The following GARIN1A variants were observed in gnomAD, a reference collection of about 807,000 sequenced individuals.
GARIN1A encodes the protein golgi associated RAB2 interactor 1A.
chr7:128,680,164 G>T, the GARIN1A span: 1 of 1,473,354 alleles, frequency 6.8e-7, no homozygotes, highest in Non-Finnish European at 9.2e-7. Flanking sequence ...GTCCTCTGTG[G>T]GGTCAGCTCC....
At chr7:128,680,625 C>T in the GARIN1A span, among the ~76,000 whole-genome samples, 5 of 148,588 alleles carry the variant, frequency 3.4e-5, no homozygotes, top group African/African-American at 1.2e-4. Context: ...AGTGCAATGG[C>T]GTGATGTCAG....
the GARIN1A span, among the ~76,000 whole-genome samples, chr7:128,699,939 T>C: frequency 6.6e-6 from 1 of 152,360 alleles, no homozygotes; most frequent in Non-Finnish European, 1.5e-5. Context: ...GAACGTTTTA[T>C]CATTCCACAG....
the GARIN1A span, among the ~76,000 whole-genome samples, chr7:128,688,937 A>C: frequency 6.6e-6 from 1 of 150,516 alleles, no homozygotes; most frequent in South Asian, 2.1e-4. Context: ...AGTGCCTGCG[A>C]TTGCAGGCGC....
At chr7:128,692,069 G>T in the GARIN1A span, among the ~76,000 whole-genome samples, 1 of 152,194 alleles carries the variant, frequency 6.6e-6, no homozygotes, top group Non-Finnish European at 1.5e-5. Flanking sequence ...TCCATGCCTG[G>T]TTCTTTTAAC....
chr7:128,673,252 G>A, the GARIN1A span, among the ~76,000 whole-genome samples: 2 of 152,216 alleles, frequency 1.3e-5, no homozygotes, highest in African/African-American at 4.8e-5. Flanking sequence ...TGGCCAGGAA[G>A]CCTATGAGTT....
At chr7:128,676,521 G>A in the GARIN1A span, among the ~76,000 whole-genome samples, 1 of 151,470 alleles carries the variant, frequency 6.6e-6, no homozygotes, top group Non-Finnish European at 1.5e-5. Flanking sequence ...ATATCATTTC[G>A]ATAATTTCTT....
chr7:128,691,381 A>G, the GARIN1A span: 21 of 152,288 alleles, frequency 1.4e-4, no homozygotes, highest in African/African-American at 3.6e-4. Context: ...CAGGACAACT[A>G]TTTCCTCCCT....
the GARIN1A span, among the ~76,000 whole-genome samples, chr7:128,672,936 G>A: frequency 6.6e-6 from 1 of 152,280 alleles, no homozygotes; most frequent in South Asian, 2.1e-4. Flanking sequence ...GGATGGTTTA[G>A]AAACAGCCTT....
At chr7:128,707,300 G>A in the GARIN1A span, among the ~76,000 whole-genome samples, 1 of 150,968 alleles carries the variant, frequency 6.6e-6, no homozygotes, top group African/African-American at 2.4e-5. Flanking sequence ...TAACTATATA[G>A]TACAGCATTG....
At chr7:128,685,851 A>C in the GARIN1A span, 1 of 152,194 alleles carries the variant, frequency 6.6e-6, no homozygotes, top group Non-Finnish European at 1.5e-5. Context: ...TAAACATTGA[A>C]AGGCTTGTCA....
the GARIN1A span, among the ~76,000 whole-genome samples, chr7:128,702,142 G>A: frequency 6.6e-6 from 1 of 152,126 alleles, no homozygotes; most frequent in Non-Finnish European, 1.5e-5. Context: ...CAGCAGACCA[G>A]CTCTACAAGA....
chr7:128,677,483 G>A, the GARIN1A span: 59 of 1,382,488 alleles, frequency 4.3e-5, no homozygotes, highest in Non-Finnish European at 5.3e-5. Context: ...CTCTAGCCTC[G>A]GCGGCAGCGA....
At chr7:128,683,785 A>T in the GARIN1A span, 1 of 152,630 alleles carries the variant, frequency 6.6e-6, no homozygotes, top group East Asian at 1.9e-4. Flanking sequence ...TGGGTAATTT[A>T]TAAAGAAAAG....
the GARIN1A span, among the ~76,000 whole-genome samples, chr7:128,704,712 G>A: frequency 1.3e-5 from 2 of 152,150 alleles, no homozygotes; most frequent in African/African-American, 4.8e-5. Context: ...ACAGGAGGCC[G>A]AACTTGGGTG....
chr7:128,672,305 G>A, the GARIN1A span: 5 of 1,072,080 alleles, frequency 4.7e-6, no homozygotes, highest in Non-Finnish European at 5.3e-6. Flanking sequence ...AAATGCTGGG[G>A]AGGTGGGGGC....
chr7:128,703,824 T>C, the GARIN1A span, among the ~76,000 whole-genome samples: 3 of 151,722 alleles, frequency 2.0e-5, no homozygotes, highest in Non-Finnish European at 4.4e-5. Context: ...AAATCAGTGC[T>C]TGGCAGATTA....
chr7:128,697,422 G>T, the GARIN1A span: 1 of 152,532 alleles, frequency 6.6e-6, no homozygotes, highest in African/African-American at 2.4e-5. Context: ...GGGTTCTTGG[G>T]GCAGCCCGGC....
chr7:128,674,196 C>T, the GARIN1A span, among the ~76,000 whole-genome samples: 8 of 152,140 alleles, frequency 5.3e-5, no homozygotes, highest in Non-Finnish European at 8.8e-5. Context: ...TGTTTAGATT[C>T]TCTGAATGGA....
At chr7:128,708,838 C>T in the GARIN1A span, among the ~76,000 whole-genome samples, 46 of 152,164 alleles carry the variant, frequency 3.0e-4, no homozygotes, top group Admixed American at 2.9e-3. Flanking sequence ...AGCTTCTTCC[C>T]ACGGGTTGCT....
Sources: allele counts gnomAD v4.1 joint callset (sites outside exome capture counted in the v4.1 genomes callset), GRCh38; gene constraint gnomAD v4.1.1; transcripts MANE v1.5; gene names NCBI Gene and HGNC (gene_info 2026-07-23, HGNC 2026-07-21).